The following KDM5B variants were observed in gnomAD, a reference collection of about 807,000 sequenced individuals.
KDM5B encodes lysine demethylase 5B.
KDM5B carries 144 observed loss-of-function variants against 193.4 expected under a neutral mutation model. The observed-to-expected ratio is 0.74, with a 90% CI of 0.65 to 0.86. The LOEUF (loss-of-function observed/expected upper bound fraction) is 0.86, where lower values mean the gene tolerates loss of function less well. Ranked by LOEUF, KDM5B falls within the 40% of genes least tolerant of loss-of-function variation. The pLI is 0.00. For missense variants in KDM5B, 1,833 were observed against 1,886.9 expected, an observed-to-expected ratio of 0.97 and a Z score of 0.53; for synonymous variants, 668 against 682.6, an observed-to-expected ratio of 0.98 and a Z score of 0.33.
chr1:202,740,791 G>A lies in KDM5B; in HGVS notation c.2967C>T (p.Ser989=), dbSNP rs372543634. 6.8e-6 allele frequency: 11 copies of A among 1,611,842 alleles called. No homozygotes were observed. The highest frequency in any genetic ancestry group is 4.0e-5 in the African/African-American group (3 of 74,868). ...LKARPRHSLN[S]LATAVKEIEE... is the part of the protein sequence containing the mutation. ...CGATTTCCTTTACTGCCGTAGCAAG[G>A]CTATTCAATGAATGTCGTGGCCTAC... Residue 989 remains serine (S), a synonymous_variant, in exon 20 of 27, where the codon AGC becomes AGT. Transcript: ENST00000367265.
chr1:202,806,388 C>T lies in KDM5B; in HGVS notation c.204+1714G>A, dbSNP rs149002176. 114 of 152,324 alleles carry T rather than the reference C, an allele frequency of 7.5e-4. 1 individual carries two copies. The highest frequency in any genetic ancestry group is 2.6e-3 in the African/African-American group (110 of 41,556). 9.4% of individuals were successfully genotyped at this position (152,324 alleles called of 1,614,324 possible). A position where few individuals can be genotyped will look rare whatever the true frequency, so the allele number is the denominator to read the frequency against. ...CATGTGACATGAAGCTACATTACTACAGTGTGAAACATGACCTATTATTCA... is the reference window on the plus strand; with the variant it reads ...CATGTGACATGAAGCTACATTACTATAGTGTGAAACATGACCTATTATTCA... On this transcript the variant is annotated intron_variant, in intron 1 of 26. Transcript: ENST00000367265.
At chr1:202,732,799 A>G (rs760396984) in intron 23 of KDM5B, among the ~76,000 whole-genome samples, 10 of 152,100 alleles carry the variant, frequency 6.6e-5, no homozygotes, top group Non-Finnish European at 1.2e-4. Flanking sequence ...GTACTTTTCT[A>G]TTGTCTTCAC....
At chr1:202,783,837 C>T (rs1287704345) in intron 1 of KDM5B, among the ~76,000 whole-genome samples, 4 of 151,932 alleles carry the variant, frequency 2.6e-5, no homozygotes, top group Non-Finnish European at 5.9e-5. Flanking sequence ...GCCAAGATCA[C>T]ACCACTGCAC....
chr1:202,764,240 T>C (rs774494512), intron 5 of KDM5B, 95 bp from the exon 6 acceptor site: 26 of 621,392 alleles, frequency 4.2e-5, no homozygotes, highest in African/African-American at 2.9e-4. Context: ...ATCCTACCAA[T>C]TGCCTCTATT....
intron 1 of KDM5B, among the ~76,000 whole-genome samples, chr1:202,795,544 C>T (rs975676708): frequency 6.6e-6 from 1 of 151,682 alleles, no homozygotes; most frequent in African/African-American, 2.4e-5. Context: ...CCCACCTACT[C>T]AGGAGGCTGA....
chr1:202,769,125 C>G (rs1345936410), intron 4 of KDM5B, among the ~76,000 whole-genome samples: 1 of 150,672 alleles, frequency 6.6e-6, no homozygotes, highest in Non-Finnish European at 1.5e-5. Context: ...CAAGCTCCAC[C>G]TCCTGGGTTC....
intron 4 of KDM5B, 31 bp downstream of exon 4, chr1:202,773,086 TA>T: frequency 6.9e-7 from 1 of 1,456,712 alleles, no homozygotes; most frequent in Non-Finnish European, 9.6e-7. Context: ...AGTAGTAAGA[TA>T]AAACAGGTTA....
intron 5 of KDM5B, 114 bp from the exon 6 acceptor site, chr1:202,764,259 A>G: frequency 1.8e-6 from 1 of 553,300 alleles, no homozygotes; most frequent in Admixed American, 4.0e-5. Flanking sequence ...TTAACAGGGC[A>G]TTCAAAACAT....
chr1:202,783,995 T>TA (rs1055055986), intron 1 of KDM5B, among the ~76,000 whole-genome samples: 1 of 152,162 alleles, frequency 6.6e-6, no homozygotes, highest in African/African-American at 2.4e-5. Context: ...AAACATCAGG[T>TA]AAACATTTTC....
chr1:202,740,080 C>G (rs1460646238), intron 20 of KDM5B, among the ~76,000 whole-genome samples: 1 of 151,648 alleles, frequency 6.6e-6, no homozygotes, highest in Non-Finnish European at 1.5e-5. Context: ...ACCTCCCGGA[C>G]GGGGCGGCTG....
At chr1:202,804,113 GTGAGTTCAGGGTTTCTTT>G (rs1658190284) in intron 1 of KDM5B, among the ~76,000 whole-genome samples, 2 of 152,094 alleles carry the variant, frequency 1.3e-5, no homozygotes, top group Admixed American at 1.3e-4. Flanking sequence ...GTAGTTACAA[GTGAGTTCAGGGTTTCTTT>G]TGAGGGAGAT....
rs1287853685 is a variant in KDM5B at position 202,779,499 on chromosome 1, G to C, written c.205-2405C>G. Reference sequence around the variant, plus strand: ...GTCTCAAAAAAAAAAAGAAAAAAAAGAAAACAATTCAACCAGAGTTGAATG... The same window carrying C: ...GTCTCAAAAAAAAAAAGAAAAAAAACAAAACAATTCAACCAGAGTTGAATG... On this transcript the variant is annotated intron_variant, in intron 1 of 26. Transcript: ENST00000367265. Among the ~76,000 whole-genome samples the C allele has an allele frequency of 2.8e-5, 4 of 143,846 alleles. No individual in the cohort carries two copies. In the East Asian group the frequency reaches 8.3e-4, roughly 30 times the overall value. 94.4% of individuals were successfully genotyped at this position (143,846 alleles called of 152,430 possible).
intron 4 of KDM5B, among the ~76,000 whole-genome samples, chr1:202,772,204 CA>C (rs1656748952): frequency 6.6e-6 from 1 of 152,158 alleles, no homozygotes; most frequent in Non-Finnish European, 1.5e-5. Flanking sequence ...TAAAATAACT[CA>C]AAGGGTGTGA....
intron 23 of KDM5B, among the ~76,000 whole-genome samples, chr1:202,732,618 CTGTT>C (rs1244062833): frequency 6.4e-5 from 6 of 94,196 alleles, no homozygotes; most frequent in Middle Eastern, 7.5e-3. Flanking sequence ...ATATGACAGA[CTGTT>C]TTTTTTTTTG....
Position 202,773,112 on chromosome 1 carries a change from ACTTACC to A in KDM5B, c.576_576+5del. On this transcript the variant is annotated splice_donor_variant and splice_donor_5th_base_variant and coding_sequence_variant and intron_variant, in exon 4 of 27. Transcript: ENST00000367265. LOFTEE classifies it high-confidence loss of function. ...AAAACAGGTTAAGGCTAGCCCCCAA[ACTTACC>A]CTTAGGCTGTCTCCGGACAGGAATA... The A allele has an allele frequency of 6.2e-7, 1 of 1,601,270 alleles. No individual in the cohort carries two copies. Among genetic ancestry groups the A allele is most frequent in the Non-Finnish European group, 8.6e-7 (1 of 1,169,238 alleles).
chr1:202,767,476 G>A (rs1656519443), intron 4 of KDM5B: 2 of 996,918 alleles, frequency 2.0e-6, no homozygotes, highest in South Asian at 2.6e-5. Flanking sequence ...TGAAATGGCG[G>A]CACCTCACCA....
intron 16 of KDM5B, 122 bp downstream of exon 16, chr1:202,745,736 G>T: frequency 9.0e-7 from 1 of 1,105,814 alleles, no homozygotes; most frequent in Non-Finnish European, 1.4e-6. Context: ...ACCGGGCTAT[G>T]TAGAGGGGCT....
chr1:202,769,935 A>G (rs1656643855), intron 4 of KDM5B, among the ~76,000 whole-genome samples: 1 of 152,166 alleles, frequency 6.6e-6, no homozygotes, highest in East Asian at 1.9e-4. Context: ...GGAAAATACT[A>G]ATTGAGCTGA....
At chr1:202,738,289 T>C (rs1655171451) in intron 20 of KDM5B, among the ~76,000 whole-genome samples, 1 of 152,228 alleles carries the variant, frequency 6.6e-6, no homozygotes, top group Non-Finnish European at 1.5e-5. Flanking sequence ...TGATTTTATA[T>C]GTCAGCCTCT....
Sources: allele counts gnomAD v4.1 joint callset (sites outside exome capture counted in the v4.1 genomes callset), GRCh38; gene constraint gnomAD v4.1.1; transcripts MANE v1.5; gene names NCBI Gene and HGNC (gene_info 2026-07-23, HGNC 2026-07-21).